BDKRB2: variants seen among roughly 807,000 people sequenced by gnomAD.
BDKRB2 encodes the protein bradykinin receptor B2, also known as B2 bradykinin receptor.
In BDKRB2, 6 loss-of-function variants were observed where a neutral mutation model predicts 4.0. The observed-to-expected ratio is 1.49, with a 90% CI of 0.81 to 2.93. The LOEUF is 2.93. Among genes scored for constraint, BDKRB2 ranks in the 30% most tolerant of loss-of-function variants. BDKRB2 has a pLI of 0.00. For synonymous variants in BDKRB2, 225 were observed against 215.3 expected (o/e 1.05, Z -0.40); for missense variants, 478 against 520.1 (o/e 0.92, Z 0.79).
rs1296185234 is a variant in BDKRB2 at position 96,204,910 on chromosome 14, C to T, written c.-89C>T. 1 of 313,148 alleles carries T rather than the reference C, an allele frequency of 3.2e-6. No individual in the cohort carries two copies. The highest frequency in any genetic ancestry group is 6.5e-6 in the Non-Finnish European group (1 of 154,550). 19.4% of individuals were successfully genotyped at this position (313,148 alleles called of 1,614,324 possible). A position where few individuals can be genotyped will look rare whatever the true frequency, so the allele number is the denominator to read the frequency against. On this transcript the variant is annotated 5_prime_UTR_variant, in exon 1 of 3. Coordinates refer to ENST00000554311, the MANE Select transcript of BDKRB2 (RefSeq NM_001379692.1). ...GGACGGTGGGGACATCAGGCTGCCC[C>T]GCAGTACCAGGGAGCGACTGAAGTG...
At chr14:96,214,191 A>G (rs1890365406) in intron 1 of BDKRB2, among the ~76,000 whole-genome samples, 1 of 152,192 alleles carries the variant, frequency 6.6e-6, no homozygotes, top group African/African-American at 2.4e-5. Context: ...GTTTTCCATG[A>G]GGATGAGTAC....
intron 1 of BDKRB2, among the ~76,000 whole-genome samples, chr14:96,219,527 G>A (rs566835577): frequency 6.6e-6 from 1 of 151,514 alleles, no homozygotes; most frequent in South Asian, 2.1e-4. Flanking sequence ...AGGCAATGGT[G>A]TGCTGGTAAA....
intron 1 of BDKRB2, among the ~76,000 whole-genome samples, chr14:96,205,642 C>A (rs902654815): frequency 6.6e-6 from 1 of 152,140 alleles, no homozygotes; most frequent in Non-Finnish European, 1.5e-5. Context: ...GGCTTTGCAT[C>A]CGGCCCAGGT....
chr14:96,228,046 T>C (rs1450196291), intron 1 of BDKRB2, among the ~76,000 whole-genome samples: 1 of 152,074 alleles, frequency 6.6e-6, no homozygotes, highest in African/African-American at 2.4e-5. Context: ...AGACAGCCAG[T>C]CCTGTGAACC....
chr14:96,215,967 C>A (rs1362741677), intron 1 of BDKRB2, among the ~76,000 whole-genome samples: 1 of 152,176 alleles, frequency 6.6e-6, no homozygotes, highest in African/African-American at 2.4e-5. Context: ...TCAGCCCCTG[C>A]GCAGTGCGAG....
At chr14:96,213,899 G>C (rs1890359247) in intron 1 of BDKRB2, among the ~76,000 whole-genome samples, 2 of 152,184 alleles carry the variant, frequency 1.3e-5, no homozygotes, top group Non-Finnish European at 2.9e-5. Flanking sequence ...GCCTGGCCTG[G>C]GTCTTCCCAT....
In BDKRB2 at chr14:96,240,416, A is replaced by G. The variant is rs1374640374; in HGVS notation, c.88A>G (p.Asn30Asp). 1 of 1,458,888 alleles carries G rather than the reference A, an allele frequency of 6.9e-7. No individual in the cohort carries two copies. Among genetic ancestry groups the G allele is most frequent in the Admixed American group, 2.6e-5 (1 of 38,304 alleles). 90.4% of individuals were successfully genotyped at this position (1,458,888 alleles called of 1,614,324 possible). ...ACTTTCTTTCAGCGCCGACATGCTC[A>G]ATGTCACCTTGCAAGGGCCCACTCT... The part of the protein sequence containing the change: ...TTASFSADML[N>D]VTLQGPTLNG... Residue 30 changes from asparagine to aspartate, a missense_variant, in exon 3 of 3, where the codon AAT (asparagine) becomes GAT (aspartate). Physicochemically the swap from Asn to Asp is conservative, Grantham distance 23. Coordinates refer to ENST00000554311, the MANE Select transcript of BDKRB2 (RefSeq NM_001379692.1).
At chr14:96,228,493 A>G (rs1378472784) in intron 1 of BDKRB2, among the ~76,000 whole-genome samples, 1 of 152,092 alleles carries the variant, frequency 6.6e-6, no homozygotes, top group Non-Finnish European at 1.5e-5. Flanking sequence ...TGGAGTGGGA[A>G]GGTACTCTTC....
At chr14:96,217,548 G>A (rs753195455) in intron 1 of BDKRB2, among the ~76,000 whole-genome samples, 3 of 152,242 alleles carry the variant, frequency 2.0e-5, no homozygotes, top group Non-Finnish European at 2.9e-5. Context: ...CTGGCTCCAT[G>A]CCAGCCCCTG....
At chr14:96,219,166 G>A (rs1778204275) in intron 1 of BDKRB2, among the ~76,000 whole-genome samples, 1 of 151,706 alleles carries the variant, frequency 6.6e-6, no homozygotes, top group African/African-American at 2.4e-5. Context: ...GCAGGGCGTG[G>A]TAGCATGCTG....
intron 1 of BDKRB2, among the ~76,000 whole-genome samples, chr14:96,228,641 G>A (rs1254301867): frequency 1.3e-5 from 2 of 152,208 alleles, no homozygotes; most frequent in Non-Finnish European, 1.5e-5. Context: ...AGGATGGGGG[G>A]CATGGTGGGC....
chr14:96,228,090 C>T (rs1175586823), intron 1 of BDKRB2, among the ~76,000 whole-genome samples: 1 of 152,220 alleles, frequency 6.6e-6, no homozygotes, highest in East Asian at 1.9e-4. Context: ...GGGGCCTGCC[C>T]TGGGAGAAGG....
chr14:96,216,720 A>AAGGAGGAGGAGGAGGG (rs71397752), intron 1 of BDKRB2, among the ~76,000 whole-genome samples: 1 of 62,358 alleles, frequency 1.6e-5, no homozygotes, highest in African/African-American at 5.1e-5. Flanking sequence ...GAGGAAGAGG[A>AAGGAGGAGGAGGAGGG]AGGAGGAGGA....
chr14:96,221,170 G>A (rs1008133369), intron 1 of BDKRB2, among the ~76,000 whole-genome samples: 4 of 152,026 alleles, frequency 2.6e-5, no homozygotes, highest in Non-Finnish European at 5.9e-5. Flanking sequence ...ATCTAAAATA[G>A]GTGTGGATTA....
At chr14:96,235,934 AAG>A (rs1172857560) in intron 1 of BDKRB2, among the ~76,000 whole-genome samples, 1 of 152,108 alleles carries the variant, frequency 6.6e-6, no homozygotes, top group East Asian at 1.9e-4. Context: ...CTGGAAGGGA[AAG>A]AGGGGGGATT....
chr14:96,221,656 A>C (rs1363121731), intron 1 of BDKRB2, among the ~76,000 whole-genome samples: 1 of 151,962 alleles, frequency 6.6e-6, no homozygotes, highest in Non-Finnish European at 1.5e-5. Flanking sequence ...GAGGTGCTTG[A>C]GTGGTTGGTG....
At chr14:96,228,691 C>A (rs1239594922) in intron 1 of BDKRB2, among the ~76,000 whole-genome samples, 1 of 152,208 alleles carries the variant, frequency 6.6e-6, no homozygotes, top group East Asian at 1.9e-4. Context: ...GGTGGGAAAA[C>A]AGGAATGTGA....
rs2242957 is a variant in BDKRB2, at chr14:96,235,516, C to G, written c.-39-1553C>G. ...TTGAAGGATCAGAAGGACTGTGCTGCTCGTTGCATCCTTTGCAAGTTCCAA... is the reference window on the plus strand; with the variant it reads ...TTGAAGGATCAGAAGGACTGTGCTGGTCGTTGCATCCTTTGCAAGTTCCAA... On this transcript the variant is annotated intron_variant, in intron 1 of 2. Coordinates refer to ENST00000554311, the MANE Select transcript of BDKRB2 (RefSeq NM_001379692.1). 3.5e-3 allele frequency among the ~76,000 whole-genome samples: 537 copies of G among 152,278 alleles called. 2 individuals carry two copies. The highest frequency in any genetic ancestry group is 0.012 in the African/African-American group (510 of 41,554).
At chr14:96,227,141 G>T (rs1890714940) in intron 1 of BDKRB2, among the ~76,000 whole-genome samples, 1 of 152,210 alleles carries the variant, frequency 6.6e-6, no homozygotes, top group Non-Finnish European at 1.5e-5. Flanking sequence ...ACAGGCTGGG[G>T]GAGGTTGGGC....
Sources: gnomAD v4.1 joint callset for allele counts (sites outside exome capture counted in the v4.1 genomes callset) on GRCh38, gnomAD v4.1.1 for gene constraint, MANE v1.5 for transcripts, NCBI Gene and HGNC (gene_info 2026-07-23, HGNC 2026-07-21) for gene names.